FBXL19: variants seen among roughly 807,000 people sequenced by gnomAD.
FBXL19 encodes the protein F-box and leucine rich repeat protein 19.
In FBXL19, 16 loss-of-function variants were observed where a neutral mutation model predicts 71.2. That is an observed-to-expected ratio of 0.22 (90% CI 0.15 to 0.34). The LOEUF (loss-of-function observed/expected upper bound fraction) is 0.34, where lower values mean the gene tolerates loss of function less well. FBXL19 is among the 10% of genes least tolerant of loss of function. The pLI is 1.00. For synonymous variants in FBXL19, 447 were observed against 409.4 expected (o/e 1.09, Z -1.11); for missense variants, 658 against 968.2 (o/e 0.68, Z 4.25).
intron 9 of FBXL19, among the ~76,000 whole-genome samples, chr16:30,945,861 A>AAG (rs1281742696): frequency 6.6e-6 from 1 of 150,836 alleles, no homozygotes; most frequent in African/African-American, 2.4e-5. Context: ...AAAAAAAAAA[A>AAG]AAAAAAAAAA....
rs1368201169 is a variant in FBXL19, at chr16:30,948,439, C to T, written c.*1209C>T. 1.3e-5 allele frequency: 2 copies of T among 152,464 alleles called. No homozygotes were observed. The highest frequency in any genetic ancestry group is 2.4e-5 in the African/African-American group (1 of 41,464). 9.4% of individuals were successfully genotyped at this position (152,464 alleles called of 1,614,324 possible). A position where few individuals can be genotyped will look rare whatever the true frequency, so the allele number is the denominator to read the frequency against. On this transcript the variant is annotated 3_prime_UTR_variant, in exon 11 of 11. Coordinates refer to ENST00000338343, the MANE Select transcript of FBXL19 (RefSeq NM_001382779.1). ...CTCTGCTGGCCCTCCTTCCCTGCCC[C>T]TTCCTCGAGCGCGGGGTGGGGCTTC...
intron 7 of FBXL19, among the ~76,000 whole-genome samples, chr16:30,937,795 A>G (rs1234683734): frequency 6.6e-6 from 1 of 152,108 alleles, no homozygotes; most frequent in Non-Finnish European, 1.5e-5. Flanking sequence ...ATACAGAAAC[A>G]CAACTGGGGT....
chr16:30,947,430 C>T lies in FBXL19; in HGVS notation c.*200C>T. On this transcript the variant is annotated 3_prime_UTR_variant, in exon 11 of 11. Transcript: ENST00000338343. ...TGATATCTCTGGGGGTTTCTCCTTC[C>T]TATGTCCTGCCCCTGCTACCTGCTT... 1.7e-6 allele frequency: 1 copy of T among 586,810 alleles called. No homozygotes were observed. The highest frequency in any genetic ancestry group is 3.0e-6 in the Non-Finnish European group (1 of 329,792). The allele number at this position is 586,810 out of a possible 1,614,324, so 36.4% of individuals were successfully genotyped here. A position where few individuals can be genotyped will look rare whatever the true frequency, so the allele number is the denominator to read the frequency against.
At chr16:30,941,055 G>A (rs910300710) in intron 7 of FBXL19, among the ~76,000 whole-genome samples, 8 of 152,172 alleles carry the variant, frequency 5.3e-5, no homozygotes, top group Non-Finnish European at 1.0e-4. Context: ...GTTCATCTTT[G>A]TAGCTTCAAT....
intron 7 of FBXL19, among the ~76,000 whole-genome samples, chr16:30,934,216 T>C (rs2055706637): frequency 6.6e-6 from 1 of 150,784 alleles, no homozygotes; most frequent in Non-Finnish European, 1.5e-5. Flanking sequence ...ACAAAAAATT[T>C]AGCCAGGCAT....
chr16:30,925,723 A>G lies in FBXL19; in HGVS notation c.-24-8A>G. The G allele has an allele frequency of 6.7e-7, 1 of 1,491,404 alleles. No individual in the cohort carries two copies. The highest frequency in any genetic ancestry group is 8.9e-7 in the Non-Finnish European group (1 of 1,126,388). 92.4% of individuals were successfully genotyped at this position (1,491,404 alleles called of 1,614,324 possible). On this transcript the variant is annotated splice_polypyrimidine_tract_variant and splice_region_variant and intron_variant, in intron 1 of 10. Coordinates refer to ENST00000338343, the MANE Select transcript of FBXL19 (RefSeq NM_001382779.1). The surrounding 1 kb of genome is among the most constrained non-coding windows in gnomAD (Gnocchi z 5.0). ...GGCCCATCTGACCCTGCCACCATCC[A>G]CCTACAGCCCTCGGCGTTGCTGACG...
Position 30,927,300 on chromosome 16 carries a change from C to T in FBXL19, c.178-8C>T. 1 of 1,551,550 alleles carries T rather than the reference C, an allele frequency of 6.4e-7. No individual in the cohort carries two copies. Among genetic ancestry groups the T allele is most frequent in the East Asian group, 2.4e-5 (1 of 41,940 alleles). ...TCGGGGCCCCTGATGTCCCCTCTCC[C>T]CCAACAGCCCGTGCTCCCACACACA... On this transcript the variant is annotated splice_region_variant and splice_polypyrimidine_tract_variant and intron_variant, in intron 2 of 10. Coordinates refer to ENST00000338343, the MANE Select transcript of FBXL19 (RefSeq NM_001382779.1).
Position 30,925,752 on chromosome 16 carries a change from C to G in FBXL19, c.-3C>G. ...ACAGCCCTCGGCGTTGCTGACGCCC[C>G]CAATGTCGTCGAGCAGCCGGGGGCC... On this transcript the variant is annotated 5_prime_UTR_variant, in exon 2 of 11. Coordinates refer to ENST00000338343, the MANE Select transcript of FBXL19 (RefSeq NM_001382779.1). The surrounding 1 kb of genome is among the most constrained non-coding windows in gnomAD (Gnocchi z 5.0). 1 of 1,486,608 alleles carries G rather than the reference C, an allele frequency of 6.7e-7. No individual in the cohort carries two copies. Among genetic ancestry groups the G allele is most frequent in the Non-Finnish European group, 8.9e-7 (1 of 1,124,142 alleles). The allele number at this position is 1,486,608 out of a possible 1,614,324, so 92.1% of individuals were successfully genotyped here.
rs2055557977 is a variant in FBXL19, at chr16:30,923,954, C to T, written c.-530C>T. ...GGGCAGGTTACAGCGACCCCCCCCT[C>T]CCCGGGAACCGGCGGTGGGCGGGCT... On this transcript the variant is annotated 5_prime_UTR_variant, in exon 1 of 11. Coordinates refer to ENST00000338343, the MANE Select transcript of FBXL19 (RefSeq NM_001382779.1). 2 of 151,278 alleles carry T rather than the reference C, an allele frequency of 1.3e-5. No homozygotes were observed. Among genetic ancestry groups the T allele is most frequent in the Non-Finnish European group, 1.5e-5 (1 of 67,656 alleles). 9.4% of individuals were successfully genotyped at this position (151,278 alleles called of 1,614,324 possible).
intron 6 of FBXL19, among the ~76,000 whole-genome samples, chr16:30,929,321 G>A (rs1459743559): frequency 6.6e-6 from 1 of 152,138 alleles, no homozygotes; most frequent in East Asian, 1.9e-4. Context: ...ATACTGTGAG[G>A]ATGGAATGAG....
At chr16:30,938,705 C>G (rs575338381) in intron 7 of FBXL19, among the ~76,000 whole-genome samples, 1 of 152,096 alleles carries the variant, frequency 6.6e-6, no homozygotes, top group Non-Finnish European at 1.5e-5. Flanking sequence ...GGTGCAGTCT[C>G]GGCTCACTGC....
intron 7 of FBXL19, among the ~76,000 whole-genome samples, chr16:30,937,079 G>T (rs2055746711): frequency 6.6e-6 from 1 of 152,040 alleles, no homozygotes; most frequent in African/African-American, 2.4e-5. Context: ...GATGATGATG[G>T]TAATGTTGAC....
Position 30,946,580 on chromosome 16 carries a change from A to C in FBXL19, c.1628-150A>C. 1.5e-6 allele frequency: 1 copy of C among 674,838 alleles called. No individual in the cohort carries two copies. Among genetic ancestry groups the C allele is most frequent in the Non-Finnish European group, 2.5e-6 (1 of 395,314 alleles). 41.8% of individuals were successfully genotyped at this position (674,838 alleles called of 1,614,324 possible). ...ATGTGAGGAGTGGACAGATGAGGTCAGGCCATGAGGGTGTTTTTGAGAAGA... is the reference window on the plus strand; with the variant it reads ...ATGTGAGGAGTGGACAGATGAGGTCCGGCCATGAGGGTGTTTTTGAGAAGA... On this transcript the variant is annotated intron_variant, in intron 9 of 10. Transcript: ENST00000338343. The surrounding 1 kb of genome is among the most constrained non-coding windows in gnomAD (Gnocchi z 6.7).
In FBXL19 at chr16:30,924,141, G is replaced by C. The variant is rs1341377143; in HGVS notation, c.-343G>C. On this transcript the variant is annotated 5_prime_UTR_variant, in exon 1 of 11. Transcript: ENST00000338343. The stretch of plus-strand genomic sequence containing the variant: ...GGACCCGGGACTGAGTGGGCCCCGG[G>C]CAGAAGCTGAGCACCCTGCGCCCAA... The C allele has an allele frequency of 6.6e-6, 1 of 152,436 alleles. No homozygotes were observed. Among genetic ancestry groups the C allele is most frequent in the African/African-American group, 2.4e-5 (1 of 41,406 alleles). 9.4% of individuals were successfully genotyped at this position (152,436 alleles called of 1,614,324 possible).
At chr16:30,927,191 C>T (rs1002263491) in intron 2 of FBXL19, 117 bp from the exon 3 acceptor site, 9 of 1,077,690 alleles carry the variant, frequency 8.4e-6, no homozygotes, top group Admixed American at 3.0e-5. Flanking sequence ...AGGATCAGAC[C>T]CAGCTTGACC....
intron 9 of FBXL19, among the ~76,000 whole-genome samples, chr16:30,943,792 C>T (rs929764775): frequency 6.6e-6 from 1 of 152,152 alleles, no homozygotes; most frequent in Non-Finnish European, 1.5e-5. Flanking sequence ...CGTGAGCCAC[C>T]ACACCTGGCC....
chr16:30,930,631 G>A lies in FBXL19; in HGVS notation c.1301+47G>A, dbSNP rs544847698. 15 of 1,401,072 alleles carry A rather than the reference G, an allele frequency of 1.1e-5. No homozygotes were observed. The highest frequency in any genetic ancestry group is 6.5e-5 in the Admixed American group (2 of 30,886). The allele number at this position is 1,401,072 out of a possible 1,614,324, so 86.8% of individuals were successfully genotyped here. On this transcript the variant is annotated intron_variant, in intron 7 of 10. Coordinates refer to ENST00000338343, the MANE Select transcript of FBXL19 (RefSeq NM_001382779.1). This position sits in a 1 kb window ranked among gnomAD's most constrained non-coding sequence, Gnocchi z 8.5. ...GCGTTCCGTGGCCAGCAGGCTTCCC[G>A]CTTGCTGGGTGACCTGCGGTAGGTC...
At chr16:30,923,078 T>A (rs1320405286), upstream of FBXL19, 1 of 456,570 alleles carries the variant, frequency 2.2e-6, no homozygotes, top group African/African-American at 2.0e-5. Flanking sequence ...TCCTCTTTCC[T>A]TTTCACCTTT....
chr16:30,943,717 G>A lies in FBXL19; in HGVS notation c.1627+1181G>A, dbSNP rs183734001. 6.9e-4 allele frequency among the ~76,000 whole-genome samples: 105 copies of A among 151,964 alleles called. 1 individual carries two copies. The highest frequency in any genetic ancestry group is 2.4e-3 in the African/African-American group (100 of 41,442). On this transcript the variant is annotated intron_variant, in intron 9 of 10. Coordinates refer to ENST00000338343, the MANE Select transcript of FBXL19 (RefSeq NM_001382779.1). ...AGGGTTTCATCATGTTGTCCAGGCC[G>A]ATCTCGAACTCCTTGTCTCAAGTGA...
Sources: allele counts gnomAD v4.1 joint callset (sites outside exome capture counted in the v4.1 genomes callset), GRCh38; gene constraint gnomAD v4.1.1; non-coding constraint Gnocchi (gnomAD v3.1); transcripts MANE v1.5; gene names NCBI Gene and HGNC (gene_info 2026-07-23, HGNC 2026-07-21).